WDR87: variants seen among roughly 807,000 people sequenced by gnomAD.
WDR87 encodes WD repeat domain 87.
WDR87 carries 56 observed loss-of-function variants against 83.3 expected under a neutral mutation model. That is an observed-to-expected ratio of 0.67 (90% confidence interval 0.54 to 0.84). The LOEUF is 0.84. Ranked by LOEUF, WDR87 falls within the 40% of genes least tolerant of loss-of-function variation. The probability of loss-of-function intolerance (pLI) is 0.00; values close to 1 mark genes in which losing one functional copy is unlikely to be tolerated. For missense variants in WDR87, 2,939 were observed against 3,431.9 expected (o/e 0.86, Z 3.59); for synonymous variants, 1,173 against 1,250.6 (o/e 0.94, Z 1.31).
At position 37,888,111 on chromosome 19, in the gene WDR87, T is replaced by C. The variant is rs2046167413; in HGVS notation, c.5560A>G (p.Lys1854Glu). Residue 1854 changes from lysine to glutamate, a missense_variant, in exon 6 of 6, where the codon AAA becomes GAA. This residue lies in a region of WDR87 where 2,160 missense variants were observed against 2,533.1 expected (regional missense o/e 0.85). Transcript: ENST00000447313. ...LIEKKMKLAQ[K>E]RERWINSMEE... ...ATGCTGTTGATCCATCTTTCCCTTT[T>C]TTGGGCCAGTTTCATCTTCTTCTCA... The C allele has an allele frequency of 1.3e-6, 2 of 1,551,916 alleles. No homozygotes were observed. The highest frequency in any genetic ancestry group is 1.7e-6 in the Non-Finnish European group (2 of 1,147,086).
At position 37,886,143 on chromosome 19, in the gene WDR87, A is replaced by T. The variant is rs753809159; in HGVS notation, c.7528T>A (p.Leu2510Ile). ...TCCTCAGCTTCCACGGTCCTCCTTA[A>T]TATGTGGGACATAAATGGGGTCTTT... ...DLKTPFMSHI[L>I]RRTVEAEELQ... Residue 2510 changes from leucine (L) to isoleucine (I), a missense_variant, in exon 6 of 6, where the codon TTA becomes ATA. By Grantham distance (5) the Leu-to-Ile change is conservative. Coordinates refer to ENST00000447313, the MANE Select transcript of WDR87 (RefSeq NM_001291088.2). 6.4e-7 allele frequency: 1 copy of T among 1,551,670 alleles called. No individual in the cohort carries two copies. Among genetic ancestry groups the T allele is most frequent in the South Asian group, 1.2e-5 (1 of 84,048 alleles).
rs1390938785 is a variant in WDR87, at chr19:37,888,498, G to C, written c.5173C>G (p.Leu1725Val). 5.2e-6 allele frequency: 8 copies of C among 1,551,732 alleles called. No homozygotes were observed. The South Asian group carries it at 9.5e-5, about 18-fold the overall frequency. ...EEKLAKKGGK[L>V]AEVKNILAQK... ...GCCAATATGTTTTTCACCTCAGCCA[G>C]TTTCCCTCCTTTCTTTGCTAGTTTC... Residue 1725 changes from leucine (L) to valine (V), a missense_variant, in exon 6 of 6, where the codon CTG (leucine) becomes GTG (valine). Around this residue, in one of 3 missense-constraint regions of WDR87, gnomAD observed 2,160 missense variants for 2,533.1 expected, o/e 0.85. Coordinates refer to ENST00000447313, the MANE Select transcript of WDR87 (RefSeq NM_001291088.2).
rs2046231953 is a variant in WDR87, at chr19:37,894,067, C to T, written c.1636G>A (p.Val546Ile). 15 of 1,552,174 alleles carry T rather than the reference C, an allele frequency of 9.7e-6. No homozygotes were observed. The East Asian group carries it at 3.7e-4, about 38-fold the overall frequency. Residue 546 changes from valine (V) to isoleucine (I), a missense_variant, in exon 4 of 6, where the codon GTA (valine) becomes ATA (isoleucine). Transcript: ENST00000447313. ...LSEAVLDGVK[V>I]QLRPLASILS... is the part of the protein sequence containing the mutation. Reference sequence around the variant, plus strand: ...ATGCTGGCGAGAGGCCGCAGTTGTACTTTGACCCCATCAAGCACAGCTTCT... The same window carrying T: ...ATGCTGGCGAGAGGCCGCAGTTGTATTTTGACCCCATCAAGCACAGCTTCT...
chr19:37,904,012 C>T (rs1298805065), intron 1 of WDR87, among the ~76,000 whole-genome samples: 1 of 151,012 alleles, frequency 6.6e-6, no homozygotes, highest in African/African-American at 2.4e-5. Flanking sequence ...AGGTTCACGC[C>T]GTTTTCCTGC....
intron 5 of WDR87, 144 bp from the exon 6 acceptor site, chr19:37,890,420 C>A (rs1333103510): frequency 2.1e-5 from 23 of 1,114,552 alleles, no homozygotes; most frequent in Non-Finnish European, 2.7e-5. Flanking sequence ...AAAAAGCATT[C>A]TCTTTGCTTT....
chr19:37,904,197 C>T (rs1306262428), intron 1 of WDR87, among the ~76,000 whole-genome samples: 3 of 151,622 alleles, frequency 2.0e-5, no homozygotes, highest in Non-Finnish European at 4.4e-5. Context: ...CCACTGCGCC[C>T]GGCCATTAAA....
rs1319770852 is a variant in WDR87, at chr19:37,886,865, A to G, written c.6806T>C (p.Met2269Thr). The change falls in exon 6 of 6, where the codon ATG (methionine) becomes ACG (threonine). Residue 2269 changes from methionine to threonine, a missense_variant. Around this residue, in one of 3 missense-constraint regions of WDR87, gnomAD observed 2,160 missense variants for 2,533.1 expected, o/e 0.85. Coordinates refer to ENST00000447313, the MANE Select transcript of WDR87 (RefSeq NM_001291088.2). The part of the protein sequence containing the change: ...VESEEHFSEE[M>T]ESLLDELEKQ... The stretch of plus-strand genomic sequence containing the variant: ...TTCTAGTTCATCTAACAGGCTTTCC[A>G]TTTCTTCAGAAAAATGCTCTTCACT... 2 of 1,549,588 alleles carry G rather than the reference A, an allele frequency of 1.3e-6. No individual in the cohort carries two copies. The highest frequency in any genetic ancestry group is 1.7e-6 in the Non-Finnish European group (2 of 1,146,716).
rs2046226868 is a variant in WDR87, at chr19:37,893,592, G to A, written c.2111C>T (p.Pro704Leu). The change falls in exon 4 of 6, where the codon CCA becomes CTA. Residue 704 changes from proline (P) to leucine (L), a missense_variant. Physicochemically the swap from Pro to Leu is moderately conservative, Grantham distance 98. This residue lies in a region of WDR87 where 553 missense variants were observed against 577.9 expected (regional missense o/e 0.96). Coordinates refer to ENST00000447313, the MANE Select transcript of WDR87 (RefSeq NM_001291088.2). ...GGTCTCAAAGGAGAAGAAGAAGCTT[G>A]GTATGAAAGGCTTAGGGACTTCCAG... ...EVLEVPKPFI[P>L]SFFFSFETMF... 6.4e-7 allele frequency: 1 copy of A among 1,551,798 alleles called. No homozygotes were observed. The highest frequency in any genetic ancestry group is 1.4e-5 in the African/African-American group (1 of 73,028).
rs2046229994 is a variant in WDR87, at chr19:37,893,881, C to T, written c.1822G>A (p.Ala608Thr). Residue 608 changes from alanine (A) to threonine (T), a missense_variant, in exon 4 of 6, where the codon GCC becomes ACC. Coordinates refer to ENST00000447313, the MANE Select transcript of WDR87 (RefSeq NM_001291088.2). ...AGGCAGACATCAAAGGATGTGATGG[C>T]ACACAGGTGCAGAGGCAGTGTTTCT... ...FIETLPLHLC[A>T]ITSFDVCLSL... 1 of 1,551,906 alleles carries T rather than the reference C, an allele frequency of 6.4e-7. No homozygotes were observed. Among genetic ancestry groups the T allele is most frequent in the Non-Finnish European group, 8.7e-7 (1 of 1,147,060 alleles).
intron 1 of WDR87, among the ~76,000 whole-genome samples, chr19:37,898,883 C>T (rs1487469880): frequency 1.3e-5 from 2 of 152,186 alleles, no homozygotes; most frequent in Non-Finnish European, 2.9e-5. Flanking sequence ...GCCAACCTTT[C>T]CTGCCAGATG....
At chr19:37,899,416 C>CAAA (rs11378161) in intron 1 of WDR87, among the ~76,000 whole-genome samples, 28 of 78,934 alleles carry the variant, frequency 3.5e-4, no homozygotes, top group Admixed American at 7.1e-4. Context: ...GACTCAGTCT[C>CAAA]AAAAAAAAAA....
In WDR87 at chr19:37,887,809, T is replaced by C. The variant is rs1568449219; in HGVS notation, c.5862A>G (p.Lys1954=). ...KKEKLAETEK[K]LVQVEDSLAK... ...CCAAACTATCCTCTACTTGGACCAATTTTTTCTCTGTTTCAGCCAGTTTCT... is the reference window on the plus strand; with the variant it reads ...CCAAACTATCCTCTACTTGGACCAACTTTTTCTCTGTTTCAGCCAGTTTCT... The change falls in exon 6 of 6, where the codon AAA becomes AAG. Residue 1954 remains lysine, a synonymous_variant. Coordinates refer to ENST00000447313, the MANE Select transcript of WDR87 (RefSeq NM_001291088.2). 6.4e-7 allele frequency: 1 copy of C among 1,550,862 alleles called. No individual in the cohort carries two copies. Among genetic ancestry groups the C allele is most frequent in the Admixed American group, 2.0e-5 (1 of 50,722 alleles).
intron 5 of WDR87, among the ~76,000 whole-genome samples, chr19:37,890,868 T>C (rs62112271): frequency 0.047 from 7,230 of 152,332 alleles, 208 homozygotes; most frequent in East Asian, 0.1. Context: ...TCTTCCATGT[T>C]GTTGCATGTA....
At position 37,898,154 on chromosome 19, in the gene WDR87, A is replaced by G. The variant is rs780657608; in HGVS notation, c.75+11T>C. 1.9e-5 allele frequency: 30 copies of G among 1,551,492 alleles called. No individual in the cohort carries two copies. Among genetic ancestry groups the G allele is most frequent in the Middle Eastern group, 3.3e-4 (2 of 6,014 alleles). ...AACCTATAATATGTTTATGTCCTAC[A>G]TATACATTACCTTGCTTTTATTTAT... On this transcript the variant is annotated intron_variant, in intron 2 of 5. Transcript: ENST00000447313.
chr19:37,893,533 C>G lies in WDR87; in HGVS notation c.2170G>C (p.Ala724Pro), dbSNP rs543641042. The G allele has an allele frequency of 2.6e-6, 4 of 1,551,774 alleles. No homozygotes were observed. The African/African-American group carries it at 5.5e-5, about 21-fold the overall frequency. The change falls in exon 4 of 6, where the codon GCG becomes CCG. Residue 724 changes from alanine (A) to proline (P), a missense_variant. This residue lies in a region of WDR87 where 553 missense variants were observed against 577.9 expected (regional missense o/e 0.96). Transcript: ENST00000447313. ...FVPKYIYPGQ[A>P]QQKLVGLEKL... ...TCCAGACCCACTAATTTCTGTTGCG[C>G]TTGTCCAGGGTAGATGTACTTGGGC...
intron 5 of WDR87, among the ~76,000 whole-genome samples, chr19:37,891,275 C>T (rs1159211193): frequency 3.3e-5 from 5 of 151,924 alleles, no homozygotes; most frequent in African/African-American, 1.2e-4. Context: ...GTGATTCTCC[C>T]ACCTCAGCCT....
At chr19:37,901,116 G>T (rs1183120075) in intron 1 of WDR87, among the ~76,000 whole-genome samples, 2 of 151,738 alleles carry the variant, frequency 1.3e-5, no homozygotes, top group African/African-American at 4.8e-5. Flanking sequence ...GCCAGCCTGG[G>T]TGACAGAGCA....
intron 3 of WDR87, chr19:37,895,908 A>G (rs555907980): frequency 9.9e-5 from 54 of 543,706 alleles, no homozygotes; most frequent in Admixed American, 6.4e-4. Context: ...AATTGGAAAT[A>G]CGGTAGAGGC....
At chr19:37,897,155 T>A (rs1052161643) in intron 2 of WDR87, among the ~76,000 whole-genome samples, 2 of 151,482 alleles carry the variant, frequency 1.3e-5, no homozygotes, top group South Asian at 2.1e-4. Flanking sequence ...ATATATATAT[T>A]ATCCCATGGT....
Sources: gnomAD v4.1 joint callset for allele counts (sites outside exome capture counted in the v4.1 genomes callset) on GRCh38, gnomAD v4.1.1 for gene constraint, gnomAD v4.1.1 regional missense constraint, MANE v1.5 for transcripts, NCBI Gene and HGNC (gene_info 2026-07-23, HGNC 2026-07-21) for gene names.